The following FUBP1 variants were observed in gnomAD, a reference collection of about 807,000 sequenced individuals.
FUBP1 encodes the protein far upstream element binding protein 1.
In FUBP1, 16 loss-of-function variants were observed where a neutral mutation model predicts 94.9. The observed-to-expected ratio is 0.17, with a 90% CI of 0.11 to 0.26. FUBP1 has a LOEUF of 0.26. Ranked by LOEUF, FUBP1 falls within the 10% of genes least tolerant of loss-of-function variation. The pLI is 1.00. For synonymous variants in FUBP1, 279 were observed against 254.9 expected (o/e 1.09, Z -0.90); for missense variants, 583 against 808.6 (o/e 0.72, Z 3.38).
chr1:77,964,459 T>A, intron 10 of FUBP1, 103 bp from the exon 11 acceptor site: 1 of 729,808 alleles, frequency 1.4e-6, no homozygotes, highest in Non-Finnish European at 2.2e-6. Flanking sequence ...CTGCCTCAAA[T>A]CATAAAAGTA....
intron 7 of FUBP1, among the ~76,000 whole-genome samples, chr1:77,965,708 G>A (rs952166287): frequency 2.0e-5 from 3 of 152,166 alleles, no homozygotes; most frequent in African/African-American, 7.2e-5. Flanking sequence ...CATTAAATAA[G>A]TAAAAATAAC....
intron 1 of FUBP1, among the ~76,000 whole-genome samples, chr1:77,974,368 G>A (rs919178242): frequency 4.6e-5 from 7 of 152,050 alleles, no homozygotes; most frequent in South Asian, 4.2e-4. Context: ...TCCTGACCTC[G>A]TGATCCACCC....
At chr1:77,960,798 C>A (rs2296452) in intron 14 of FUBP1, 46,822 of 260,236 alleles carry the variant, frequency 0.18, 4,822 homozygotes, top group African/African-American at 0.28. Context: ...TTCCTTTTAT[C>A]ATTCTTACTT....
intron 1 of FUBP1, among the ~76,000 whole-genome samples, chr1:77,974,388 T>C (rs894560036): frequency 6.6e-6 from 1 of 152,124 alleles, no homozygotes; most frequent in Non-Finnish European, 1.5e-5. Context: ...CGCCTCAGCC[T>C]CCCAAAGTGC....
At chr1:77,954,553 A>ATGAGAAACATTCTTTGGCAAAGAAAACAT (rs1654093857) in intron 18 of FUBP1, among the ~76,000 whole-genome samples, 1 of 152,204 alleles carries the variant, frequency 6.6e-6, no homozygotes, top group Non-Finnish European at 1.5e-5. Flanking sequence ...TCTGTGGAGA[A>ATGAGAAACATTCTTTGGCAAAGAAAACAT]TGAGAAACAT....
At chr1:77,950,032 G>A (rs1653083994) in intron 18 of FUBP1, among the ~76,000 whole-genome samples, 1 of 152,146 alleles carries the variant, frequency 6.6e-6, no homozygotes, top group Non-Finnish European at 1.5e-5. Flanking sequence ...AGAGATTAAA[G>A]AAATATAGCA....
At chr1:77,949,044 T>G (rs1406060796) in intron 19 of FUBP1, 111 bp downstream of exon 19, 2 of 1,074,982 alleles carry the variant, frequency 1.9e-6, no homozygotes, top group Non-Finnish European at 2.8e-6. Context: ...AAATAGTTAT[T>G]ATACTTTGCC....
At chr1:77,973,487 C>T (rs1005237788) in intron 1 of FUBP1, among the ~76,000 whole-genome samples, 2 of 149,758 alleles carry the variant, frequency 1.3e-5, no homozygotes, top group African/African-American at 4.9e-5. Flanking sequence ...CGCAAGTGAT[C>T]CACCCGCCTC....
chr1:77,973,181 C>T (rs185471704), intron 1 of FUBP1, among the ~76,000 whole-genome samples: 1 of 152,148 alleles, frequency 6.6e-6, no homozygotes, highest in East Asian at 1.9e-4. Flanking sequence ...TTTCAGAGTA[C>T]TTGAACTCAA....
At chr1:77,951,576 C>T (rs978873738) in intron 18 of FUBP1, among the ~76,000 whole-genome samples, 4 of 152,194 alleles carry the variant, frequency 2.6e-5, no homozygotes, top group Non-Finnish European at 4.4e-5. Context: ...CAGGGTCTTG[C>T]TCTGTCACCT....
In FUBP1 at chr1:77,979,045, C is replaced by G. The variant is rs1235712854; in HGVS notation, c.-41G>C. 1.3e-6 allele frequency: 2 copies of G among 1,563,196 alleles called. No individual in the cohort carries two copies. The highest frequency in any genetic ancestry group is 1.4e-5 in the African/African-American group (1 of 73,376). ...GCCGCTGCCGCCTGTTCAGAGACTT[C>G]CTCTCAGCTAACAGCTAAGAAAGAA... On this transcript the variant is annotated 5_prime_UTR_variant, in exon 1 of 20. Transcript: ENST00000370768.
intron 14 of FUBP1, among the ~76,000 whole-genome samples, chr1:77,962,542 C>T (rs932725889): frequency 1.3e-5 from 2 of 152,212 alleles, no homozygotes; most frequent in African/African-American, 4.8e-5. Flanking sequence ...CTCCTCTTAT[C>T]TAGCCACACC....
In FUBP1 at chr1:77,948,308, G is replaced by A. The variant is rs1652612727; in HGVS notation, c.*458C>T. 9 of 1,046,564 alleles carry A rather than the reference G, an allele frequency of 8.6e-6. No homozygotes were observed. Among genetic ancestry groups the A allele is most frequent in the African/African-American group, 1.7e-5 (1 of 60,552 alleles). 64.8% of individuals were successfully genotyped at this position (1,046,564 alleles called of 1,614,324 possible). ...GTGTTTAAAAACTCAATATTTCATG[G>A]GGAAAGCTTATATATTTGTGTATAT... is the stretch of plus-strand genomic sequence containing the variant. On this transcript the variant is annotated 3_prime_UTR_variant, in exon 20 of 20. Coordinates refer to ENST00000370768, the MANE Select transcript of FUBP1 (RefSeq NM_003902.5).
intron 10 of FUBP1, 50 bp downstream of exon 10, chr1:77,964,596 A>G (rs897784247): frequency 8.0e-6 from 8 of 1,002,346 alleles, no homozygotes; most frequent in African/African-American, 1.6e-5. Context: ...AAACACTATT[A>G]TATTTATGAA....
At chr1:77,978,469 T>G (rs1474485713) in intron 1 of FUBP1, among the ~76,000 whole-genome samples, 1 of 152,140 alleles carries the variant, frequency 6.6e-6, no homozygotes, top group South Asian at 2.1e-4. Flanking sequence ...AAGGCTACTT[T>G]AATGATAAAT....
At chr1:77,956,216 T>G (rs1344086546) in intron 17 of FUBP1, among the ~76,000 whole-genome samples, 1 of 152,200 alleles carries the variant, frequency 6.6e-6, no homozygotes, top group East Asian at 1.9e-4. Flanking sequence ...TGTCTACAGT[T>G]TAGTCTTCAG....
rs2102436389 is a variant in FUBP1, at chr1:77,968,164, C to T, written c.250+1G>A. ...TGACCCAGTTTAAAAGGAATACTTA[C>T]AGTCATTTTGAGGAGCAACTTTCTT... is the stretch of plus-strand genomic sequence containing the variant. On this transcript the variant is annotated splice_donor_variant, in intron 3 of 19. Transcript: ENST00000370768. LOFTEE classifies it high-confidence loss of function. The T allele has an allele frequency of 6.6e-7, 1 of 1,518,546 alleles. No individual in the cohort carries two copies. The highest frequency in any genetic ancestry group is 8.8e-7 in the Non-Finnish European group (1 of 1,132,788). The allele number at this position is 1,518,546 out of a possible 1,614,324, so 94.1% of individuals were successfully genotyped here.
intron 16 of FUBP1, among the ~76,000 whole-genome samples, chr1:77,959,969 A>C (rs561913860): frequency 6.6e-6 from 1 of 152,242 alleles, no homozygotes; most frequent in East Asian, 1.9e-4. Context: ...GTATCAACTC[A>C]TAAGCCAAAG....
At chr1:77,969,835 AAT>A (rs1334908372) in intron 2 of FUBP1, 88 bp downstream of exon 2, 1 of 569,626 alleles carries the variant, frequency 1.8e-6, no homozygotes, top group African/African-American at 1.9e-5. Flanking sequence ...AATAAAAGTT[AAT>A]ATCTCAATAA....
Sources: gnomAD v4.1 joint callset for allele counts (sites outside exome capture counted in the v4.1 genomes callset) on GRCh38, gnomAD v4.1.1 for gene constraint, MANE v1.5 for transcripts, NCBI Gene and HGNC (gene_info 2026-07-23, HGNC 2026-07-21) for gene names.